The following RUNX1T1 variants were observed in gnomAD, a reference collection of about 807,000 sequenced individuals.
RUNX1T1 encodes RUNX1 partner transcriptional co-repressor 1, also known as protein CBFA2T1.
RUNX1T1 carries 4 observed loss-of-function variants against 62.8 expected under a neutral mutation model. That is an observed-to-expected ratio of 0.06 (90% confidence interval 0.03 to 0.15). The LOEUF is 0.15. RUNX1T1 is among the 10% of genes least tolerant of loss of function. The pLI, the probability that RUNX1T1 is intolerant of heterozygous loss-of-function variation, is 1.00. For synonymous variants in RUNX1T1, 291 were observed against 286.0 expected (o/e 1.02, Z -0.18); for missense variants, 508 against 754.3 (o/e 0.67, Z 3.82).
chr8:92,013,275 C>G (rs192570416), intron 3 of RUNX1T1, among the ~76,000 whole-genome samples: 1 of 152,266 alleles, frequency 6.6e-6, no homozygotes, highest in East Asian at 1.9e-4. Context: ...AAATCACCTT[C>G]CTGTCTTGGA....
intron 1 of RUNX1T1, among the ~76,000 whole-genome samples, chr8:92,079,115 G>A (rs1460467238): frequency 6.6e-6 from 1 of 152,082 alleles, no homozygotes; most frequent in Non-Finnish European, 1.5e-5. Context: ...AACATTTGGG[G>A]CACTTTTTCC....
chr8:92,091,512 C>A (rs1171244460), intron 1 of RUNX1T1, among the ~76,000 whole-genome samples: 1 of 152,196 alleles, frequency 6.6e-6, no homozygotes, highest in African/African-American at 2.4e-5. Flanking sequence ...CAAAAAGAGG[C>A]ACAGGAATCT....
chr8:92,095,014 T>A (rs1370039079), intron 1 of RUNX1T1: 2 of 1,530,906 alleles, frequency 1.3e-6, no homozygotes, highest in African/African-American at 1.4e-5. Flanking sequence ...GATAAGGCCC[T>A]CCGGTATTCT....
At chr8:91,994,168 T>C (rs1306795227) in intron 5 of RUNX1T1, among the ~76,000 whole-genome samples, 2 of 152,164 alleles carry the variant, frequency 1.3e-5, no homozygotes. Flanking sequence ...CTAATGCTGC[T>C]CCCTTCAAAG....
chr8:91,962,102 C>T (rs1810592400), intron 10 of RUNX1T1, among the ~76,000 whole-genome samples: 2 of 152,178 alleles, frequency 1.3e-5, no homozygotes, highest in Admixed American at 1.3e-4. Context: ...TAGCAGCCAT[C>T]CTAACATTGT....
At chr8:91,985,294 T>C (rs1816320160) in intron 8 of RUNX1T1, among the ~76,000 whole-genome samples, 2 of 152,202 alleles carry the variant, frequency 1.3e-5, no homozygotes, top group South Asian at 4.1e-4. Context: ...GTATTATTAA[T>C]TTAGGTAAAA....
intron 1 of RUNX1T1, chr8:92,062,509 G>A (rs752350331): frequency 1.9e-5 from 30 of 1,606,100 alleles, no homozygotes; most frequent in Non-Finnish European, 2.6e-5. Flanking sequence ...TTTCTTCATT[G>A]GAAAAACAGA....
chr8:92,007,459 A>G (rs1712630784), intron 4 of RUNX1T1, among the ~76,000 whole-genome samples: 1 of 151,448 alleles, frequency 6.6e-6, no homozygotes, highest in South Asian at 2.1e-4. Flanking sequence ...AGCGAGACTC[A>G]GTCTAATTAA....
At chr8:91,965,605 C>T (rs1288063846) in intron 10 of RUNX1T1, among the ~76,000 whole-genome samples, 3 of 152,142 alleles carry the variant, frequency 2.0e-5, no homozygotes, top group Non-Finnish European at 4.4e-5. Flanking sequence ...GGTACCTCCA[C>T]CAGGATGCTC....
intron 1 of RUNX1T1, among the ~76,000 whole-genome samples, chr8:92,026,596 C>T (rs1475608297): frequency 3.3e-5 from 5 of 151,960 alleles, no homozygotes; most frequent in Admixed American, 6.6e-5. Flanking sequence ...CTGAGGCAGG[C>T]GGATCACGAG....
intron 1 of RUNX1T1, among the ~76,000 whole-genome samples, chr8:92,056,694 G>C (rs530032425): frequency 6.6e-6 from 1 of 151,744 alleles, no homozygotes; most frequent in South Asian, 2.1e-4. Context: ...TGGAAACACT[G>C]TGCCTGCTTG....
At chr8:92,019,848 G>C (rs975565927) in intron 1 of RUNX1T1, among the ~76,000 whole-genome samples, 2 of 147,786 alleles carry the variant, frequency 1.4e-5, no homozygotes, top group Non-Finnish European at 3.0e-5. Flanking sequence ...CACTTGTAAC[G>C]ACTCCTATCC....
At chr8:92,007,767 T>C (rs900360412) in intron 4 of RUNX1T1, among the ~76,000 whole-genome samples, 1 of 151,458 alleles carries the variant, frequency 6.6e-6, no homozygotes, top group Non-Finnish European at 1.5e-5. Flanking sequence ...CCCAGGAGTT[T>C]GAGACCAGCC....
At chr8:91,993,606 T>G (rs1422972207) in intron 5 of RUNX1T1, among the ~76,000 whole-genome samples, 2 of 152,192 alleles carry the variant, frequency 1.3e-5, no homozygotes, top group African/African-American at 4.8e-5. Flanking sequence ...CAATCTAATT[T>G]ATACTTTACC....
intron 6 of RUNX1T1, among the ~76,000 whole-genome samples, chr8:91,987,832 A>C (rs1408804620): frequency 6.6e-6 from 1 of 152,156 alleles, no homozygotes; most frequent in Non-Finnish European, 1.5e-5. Context: ...TATTCACTTT[A>C]TATTCTACTG....
At chr8:91,959,050 A>G (rs1809823034) in exon 11 of RUNX1T1, 1 of 213,854 alleles carries the variant, frequency 4.7e-6, no homozygotes, top group South Asian at 1.9e-4. Flanking sequence ...CTAGGAATAA[A>G]GAGACTAAAT....
chr8:92,013,700 C>T (rs769907257), intron 3 of RUNX1T1, among the ~76,000 whole-genome samples: 4 of 151,890 alleles, frequency 2.6e-5, no homozygotes, highest in Non-Finnish European at 4.4e-5. Flanking sequence ...TGACTTAGAA[C>T]GCAAAAAAAG....
chr8:92,037,793 C>T (rs1001661246), intron 1 of RUNX1T1, among the ~76,000 whole-genome samples: 1 of 152,124 alleles, frequency 6.6e-6, no homozygotes, highest in African/African-American at 2.4e-5. Context: ...GTAGGGAAGA[C>T]CCAAGAGTAC....
At chr8:92,039,144 G>GTTGT (rs1827960158) in intron 1 of RUNX1T1, among the ~76,000 whole-genome samples, 1 of 137,122 alleles carries the variant, frequency 7.3e-6, no homozygotes, top group Admixed American at 7.3e-5. Flanking sequence ...TTTTGTTGTT[G>GTTGT]TTTTTTTTTT....
Sources: gnomAD v4.1 joint callset for allele counts (sites outside exome capture counted in the v4.1 genomes callset) on GRCh38, gnomAD v4.1.1 for gene constraint, MANE v1.5 for transcripts, NCBI Gene and HGNC (gene_info 2026-07-23, HGNC 2026-07-21) for gene names.